XYLT1: variants seen among roughly 807,000 people sequenced by gnomAD.
XYLT1 encodes beta-D-xylosyltransferase 1.
XYLT1 carries 36 observed loss-of-function variants against 91.3 expected under a neutral mutation model. The ratio of observed to expected loss-of-function variants is 0.39; its 90% CI spans 0.30 to 0.52. The LOEUF (loss-of-function observed/expected upper bound fraction) is 0.52, where lower values mean the gene tolerates loss of function less well. XYLT1 is among the 20% of genes least tolerant of loss of function. The pLI, the probability that XYLT1 is intolerant of heterozygous loss-of-function variation, is 0.68. For synonymous variants in XYLT1, 588 were observed against 532.0 expected (o/e 1.11, Z -1.45); for missense variants, 1,242 against 1,284.5 (o/e 0.97, Z 0.51).
intron 1 of XYLT1, among the ~76,000 whole-genome samples, chr16:17,402,040 T>C (rs1223485386): frequency 6.6e-6 from 1 of 152,034 alleles, no homozygotes; most frequent in Non-Finnish European, 1.5e-5. Context: ...GGCTCACGCC[T>C]GTAATCCCAA....
intron 1 of XYLT1, among the ~76,000 whole-genome samples, chr16:17,389,606 A>G (rs1299837927): frequency 6.6e-6 from 1 of 152,224 alleles, no homozygotes; most frequent in African/African-American, 2.4e-5. Context: ...GATCAGCCCC[A>G]GGCCATTTTT....
At chr16:17,398,834 TTTTTGTTTTG>T (rs61263735) in intron 1 of XYLT1, among the ~76,000 whole-genome samples, 3 of 98,224 alleles carry the variant, frequency 3.1e-5, no homozygotes, top group South Asian at 4.0e-4. Context: ...CCCCACTGTT[TTTTTGTTTTG>T]TTTTGTTTTG....
intron 1 of XYLT1, among the ~76,000 whole-genome samples, chr16:17,425,958 T>A (rs1275746912): frequency 2.0e-5 from 3 of 152,186 alleles, no homozygotes; most frequent in Non-Finnish European, 2.9e-5. Context: ...ACCACTTCCA[T>A]GTCTATACGT....
Position 17,108,875 on chromosome 16 carries a change from T to G in XYLT1, c.2700A>C (p.Thr900=), listed in dbSNP as rs1473327929. Residue 900 remains threonine, a synonymous_variant, in exon 12 of 12, where the codon ACA becomes ACC. Transcript: ENST00000261381. ...QARRNAASTG[T]ALEGWLDSLV... is the part of the protein sequence containing the mutation. ...ACGAGTCCAGCCATCCCTCCAGCGC[T>G]GTGCCCGTGGAGGCTGCGTTCCTCC... 6 of 1,611,340 alleles carry G rather than the reference T, an allele frequency of 3.7e-6. No individual in the cohort carries two copies. The highest frequency in any genetic ancestry group is 4.2e-6 in the Non-Finnish European group (5 of 1,178,206).
chr16:17,340,090 A>C (rs2035044638), intron 2 of XYLT1, among the ~76,000 whole-genome samples: 1 of 151,666 alleles, frequency 6.6e-6, no homozygotes, highest in Admixed American at 6.6e-5. Context: ...CTCTCTATCC[A>C]TCTGCCCACC....
intron 2 of XYLT1, among the ~76,000 whole-genome samples, chr16:17,321,633 C>T (rs2034723198): frequency 6.6e-6 from 1 of 152,110 alleles, no homozygotes; most frequent in Non-Finnish European, 1.5e-5. Flanking sequence ...GCTGGGATTA[C>T]AGGCATGAGC....
At chr16:17,269,095 C>T (rs962726394) in intron 2 of XYLT1, among the ~76,000 whole-genome samples, 11 of 152,202 alleles carry the variant, frequency 7.2e-5, no homozygotes, top group Non-Finnish European at 1.5e-4. Context: ...GCCTCCTCTG[C>T]CCCCTTTTTC....
At chr16:17,326,446 C>T (rs1044394623) in intron 2 of XYLT1, among the ~76,000 whole-genome samples, 1 of 152,162 alleles carries the variant, frequency 6.6e-6, no homozygotes, top group African/African-American at 2.4e-5. Flanking sequence ...CCTCTAAGCT[C>T]CTTTTGCCTT....
intron 11 of XYLT1, among the ~76,000 whole-genome samples, chr16:17,110,439 T>G (rs1214837966): frequency 6.6e-6 from 1 of 152,128 alleles, no homozygotes; most frequent in Admixed American, 6.6e-5. Context: ...GATCTGATGG[T>G]TTTTTAAAGG....
rs559788619 is a variant in XYLT1 at position 17,308,330 on chromosome 16, C to G, written c.403-48832G>C. ...CTCCCTTTGGGCCTCAAAAGCATGT[C>G]CAAGTTGACTAAGCCTGCTTTAAAA... On this transcript the variant is annotated intron_variant, in intron 2 of 11. Coordinates refer to ENST00000261381, the MANE Select transcript of XYLT1 (RefSeq NM_022166.4). 3.9e-5 allele frequency among the ~76,000 whole-genome samples: 6 copies of G among 152,304 alleles called. No individual in the cohort carries two copies. The South Asian group carries it at 1.2e-3, about 32-fold the overall frequency.
rs555528290 is a variant in XYLT1 at position 17,452,312 on chromosome 16, T to C, written c.363+18122A>G. Among the ~76,000 whole-genome samples the C allele has an allele frequency of 2.4e-3, 343 of 145,340 alleles. 1 individual carries two copies. The highest frequency in any genetic ancestry group is 8.8e-3 in the African/African-American group (319 of 36,058). On this transcript the variant is annotated intron_variant, in intron 1 of 11. Coordinates refer to ENST00000261381, the MANE Select transcript of XYLT1 (RefSeq NM_022166.4). ...TTGATTCTCAGTTTTTTTCTTTTTT[T>C]TTTTTTTTTTGTTAGTAACAGGGTC...
chr16:17,267,270 T>C (rs1019792240), intron 2 of XYLT1, among the ~76,000 whole-genome samples: 5 of 152,230 alleles, frequency 3.3e-5, no homozygotes, highest in African/African-American at 1.2e-4. Flanking sequence ...AAGGTGGGGA[T>C]TAACTAATAT....
chr16:17,273,843 CAAA>C (rs567464047), intron 2 of XYLT1, among the ~76,000 whole-genome samples: 2 of 112,058 alleles, frequency 1.8e-5, no homozygotes, highest in Non-Finnish European at 1.9e-5. Flanking sequence ...GAATCTGTCT[CAAA>C]AAAAAAAAAA....
chr16:17,114,480 T>G (rs1036544941), intron 11 of XYLT1, among the ~76,000 whole-genome samples: 1 of 152,202 alleles, frequency 6.6e-6, no homozygotes, highest in African/African-American at 2.4e-5. Context: ...GATTGCTTGC[T>G]TGCTGACGGG....
chr16:17,469,413 A>C (rs529291092), intron 1 of XYLT1, among the ~76,000 whole-genome samples: 1 of 152,326 alleles, frequency 6.6e-6, no homozygotes, highest in Non-Finnish European at 1.5e-5. Flanking sequence ...CCCCTGGAGA[A>C]CTGAGACCTT....
At chr16:17,170,172 T>C (rs976704479) in intron 5 of XYLT1, among the ~76,000 whole-genome samples, 8 of 152,206 alleles carry the variant, frequency 5.3e-5, no homozygotes, top group Non-Finnish European at 7.3e-5. Flanking sequence ...TGGAGTTCCT[T>C]GGAAAGAAGT....
intron 2 of XYLT1, among the ~76,000 whole-genome samples, chr16:17,328,526 G>A (rs1323047490): frequency 8.4e-6 from 1 of 118,716 alleles, no homozygotes; most frequent in Non-Finnish European, 1.6e-5. Context: ...TCCAGCTTGG[G>A]TGACTGAGCA....
intron 10 of XYLT1, among the ~76,000 whole-genome samples, chr16:17,120,656 C>A (rs1307730812): frequency 6.6e-6 from 1 of 152,070 alleles, no homozygotes; most frequent in Non-Finnish European, 1.5e-5. Flanking sequence ...TTCTCCTGAC[C>A]CCCACAGTAC....
chr16:17,291,075 C>G (rs985789858), intron 2 of XYLT1, among the ~76,000 whole-genome samples: 1 of 152,224 alleles, frequency 6.6e-6, no homozygotes, highest in Non-Finnish European at 1.5e-5. Context: ...GCAAGGACTG[C>G]AGGTGCACAC....
Sources: allele counts gnomAD v4.1 joint callset (sites outside exome capture counted in the v4.1 genomes callset), GRCh38; gene constraint gnomAD v4.1.1; transcripts MANE v1.5; gene names NCBI Gene and HGNC (gene_info 2026-07-23, HGNC 2026-07-21).